The following SLC27A6 variants were observed in gnomAD, a reference collection of about 807,000 sequenced individuals.
SLC27A6 encodes solute carrier family 27 member 6.
In SLC27A6, 74 loss-of-function variants were observed where a neutral mutation model predicts 63.9. The observed-to-expected ratio is 1.16, with a 90% CI of 0.96 to 1.40. The LOEUF (loss-of-function observed/expected upper bound fraction) is 1.40. SLC27A6 is among the 40% of genes most tolerant of loss of function. SLC27A6 has a pLI of 0.00. For synonymous variants in SLC27A6, 287 were observed against 260.8 expected, an observed-to-expected ratio of 1.10 and a Z score of -0.97; for missense variants, 794 against 732.9, an observed-to-expected ratio of 1.08 and a Z score of -0.96.
At chr5:129,027,477 A>G in intron 7 of SLC27A6, 146 bp downstream of exon 7, 5 of 633,854 alleles carry the variant, frequency 7.9e-6, no homozygotes, top group African/African-American at 1.8e-5. Flanking sequence ...TTTATTGGCC[A>G]TCTGTTTCTA....
At chr5:129,027,014 AGAGGAAGC>A in intron 6 of SLC27A6, 111 bp from the exon 7 acceptor site, 1 of 775,956 alleles carries the variant, frequency 1.3e-6, no homozygotes, top group Non-Finnish European at 2.2e-6. Context: ...AAATAGGTTC[AGAGGAAGC>A]TGAGATAAGC....
At chr5:128,984,974 C>T (rs576740328) in intron 1 of SLC27A6, among the ~76,000 whole-genome samples, 159 bp from the exon 2 acceptor site, 26 of 152,222 alleles carry the variant, frequency 1.7e-4, no homozygotes, top group Admixed American at 4.6e-4. Flanking sequence ...CCTGTTGAAA[C>T]GGAACCATAA....
chr5:128,996,250 A>G (rs1416731246), intron 4 of SLC27A6, among the ~76,000 whole-genome samples: 1 of 152,184 alleles, frequency 6.6e-6, no homozygotes, highest in Non-Finnish European at 1.5e-5. Flanking sequence ...AATGTAGAAC[A>G]CCCACATTTT....
intron 4 of SLC27A6, among the ~76,000 whole-genome samples, chr5:128,998,677 A>C (rs1751237755): frequency 6.6e-6 from 1 of 152,134 alleles, no homozygotes; most frequent in African/African-American, 2.4e-5. Context: ...TATTAATTTA[A>C]CATTTAAAAA....
chr5:129,004,110 C>G (rs1293736414), intron 4 of SLC27A6, among the ~76,000 whole-genome samples: 1 of 152,080 alleles, frequency 6.6e-6, no homozygotes, highest in East Asian at 1.9e-4. Context: ...CAGTTAGCCA[C>G]TCAGGATTTA....
chr5:129,000,458 C>T (rs1328379798), intron 4 of SLC27A6, among the ~76,000 whole-genome samples: 1 of 152,118 alleles, frequency 6.6e-6, no homozygotes, highest in African/African-American at 2.4e-5. Flanking sequence ...TACTTGTGTG[C>T]TCATGACCAA....
Position 128,988,680 on chromosome 5 carries a change from C to T in SLC27A6, c.766C>T (p.His256Tyr), listed in dbSNP as rs1750873550. Residue 256 changes from histidine (H) to tyrosine (Y), a missense_variant, in exon 3 of 10, where the codon CAT becomes TAT. His to Tyr is a moderately conservative substitution (Grantham distance 83). Coordinates refer to ENST00000262462, the MANE Select transcript of SLC27A6 (RefSeq NM_001017372.3). ...CCTGTGGGCTTTTGGTTGTACTGCT[C>T]ATGACATTGTTTATATAACCCTTCC... ...AVLWAFGCTA[H>Y]DIVYITLPLY... 3 of 1,613,678 alleles carry T rather than the reference C, an allele frequency of 1.9e-6. No homozygotes were observed. Among genetic ancestry groups the T allele is most frequent in the Non-Finnish European group, 2.5e-6 (3 of 1,179,666 alleles).
At chr5:129,030,532 A>T (rs1423793508) in intron 9 of SLC27A6, among the ~76,000 whole-genome samples, 3 of 152,024 alleles carry the variant, frequency 2.0e-5, no homozygotes, top group African/African-American at 7.2e-5. Context: ...CTGAACTATC[A>T]TAATACCTAT....
In SLC27A6 at chr5:128,966,057, T is replaced by C; in HGVS notation, c.-81T>C. On this transcript the variant is annotated 5_prime_UTR_variant, in exon 1 of 10. Coordinates refer to ENST00000262462, the MANE Select transcript of SLC27A6 (RefSeq NM_001017372.3). ...AGCCCTGAGTAGTGAGGATCTGCGG[T>C]CTCCGTGGAGAGCTGTGCCTGGAAG... 4 of 1,486,548 alleles carry C rather than the reference T, an allele frequency of 2.7e-6. No homozygotes were observed. The highest frequency in any genetic ancestry group is 3.6e-6 in the Non-Finnish European group (4 of 1,116,496). The allele number at this position is 1,486,548 out of a possible 1,614,324, so 92.1% of individuals were successfully genotyped here.
chr5:128,989,816 C>T (rs973125120), intron 3 of SLC27A6, among the ~76,000 whole-genome samples: 3 of 149,762 alleles, frequency 2.0e-5, no homozygotes, highest in Admixed American at 6.7e-5. Context: ...CCCAGCTACT[C>T]GGGAGGCTGA....
At chr5:128,986,028 G>A (rs1445054879) in intron 2 of SLC27A6, among the ~76,000 whole-genome samples, 1 of 152,078 alleles carries the variant, frequency 6.6e-6, no homozygotes, top group Non-Finnish European at 1.5e-5. Context: ...TTCAAAAGAA[G>A]GGCCTGGCAC....
intron 4 of SLC27A6, 135 bp downstream of exon 4, chr5:128,990,599 TGGC>T (rs1189326990): frequency 1.1e-6 from 1 of 898,360 alleles, no homozygotes; most frequent in African/African-American, 1.7e-5. Context: ...TCCAAGATAG[TGGC>T]AGGTGCTACC....
At chr5:129,019,365 A>T (rs1320810935) in intron 5 of SLC27A6, among the ~76,000 whole-genome samples, 2 of 152,066 alleles carry the variant, frequency 1.3e-5, no homozygotes, top group African/African-American at 4.8e-5. Flanking sequence ...AAAAGGGAGA[A>T]AATGAATCTA....
intron 1 of SLC27A6, among the ~76,000 whole-genome samples, chr5:128,972,128 A>C (rs2150127419): frequency 6.6e-6 from 1 of 152,236 alleles, no homozygotes; most frequent in South Asian, 2.1e-4. Flanking sequence ...CTGCCAAGAG[A>C]TCAGCTGTTA....
At chr5:128,966,944 T>A (rs1749927220) in intron 1 of SLC27A6, among the ~76,000 whole-genome samples, 1 of 152,180 alleles carries the variant, frequency 6.6e-6, no homozygotes, top group African/African-American at 2.4e-5. Context: ...GACAAAATGG[T>A]GAATAGGAAA....
intron 1 of SLC27A6, among the ~76,000 whole-genome samples, chr5:128,979,153 A>G (rs1415260625): frequency 6.6e-6 from 1 of 151,888 alleles, no homozygotes; most frequent in East Asian, 1.9e-4. Context: ...AGAGACAGCC[A>G]CCCATAGTAA....
intron 1 of SLC27A6, among the ~76,000 whole-genome samples, chr5:128,972,846 G>A (rs564185095): frequency 6.6e-6 from 1 of 152,244 alleles, no homozygotes; most frequent in East Asian, 1.9e-4. Context: ...AGGAGAAGAG[G>A]CACTCTGATT....
chr5:128,966,061 C>G lies in SLC27A6; in HGVS notation c.-77C>G, dbSNP rs779744285. ...CTGAGTAGTGAGGATCTGCGGTCTC[C>G]GTGGAGAGCTGTGCCTGGAAGAGAA... On this transcript the variant is annotated 5_prime_UTR_variant, in exon 1 of 10. Coordinates refer to ENST00000262462, the MANE Select transcript of SLC27A6 (RefSeq NM_001017372.3). 82 of 1,494,230 alleles carry G rather than the reference C, an allele frequency of 5.5e-5. No homozygotes were observed. Among genetic ancestry groups the G allele is most frequent in the Non-Finnish European group, 7.0e-5 (79 of 1,121,780 alleles). 92.6% of individuals were successfully genotyped at this position (1,494,230 alleles called of 1,614,324 possible). A position where few individuals can be genotyped will look rare whatever the true frequency, so the allele number is the denominator to read the frequency against.
chr5:129,016,848 AT>A (rs1462286146), intron 5 of SLC27A6, among the ~76,000 whole-genome samples: 1 of 152,206 alleles, frequency 6.6e-6, no homozygotes, highest in African/African-American at 2.4e-5. Flanking sequence ...AAGTAGCCAA[AT>A]AAACCAACTT....
Sources: gnomAD v4.1 joint callset for allele counts (sites outside exome capture counted in the v4.1 genomes callset) on GRCh38, gnomAD v4.1.1 for gene constraint, MANE v1.5 for transcripts, NCBI Gene and HGNC (gene_info 2026-07-23, HGNC 2026-07-21) for gene names.